The following SLC4A10 variants were observed in gnomAD, a reference collection of about 807,000 sequenced individuals.
SLC4A10 encodes sodium-driven chloride bicarbonate exchanger.
In SLC4A10, 42 loss-of-function variants were observed where a neutral mutation model predicts 137.7. The ratio of observed to expected loss-of-function variants is 0.30; its 90% CI spans 0.24 to 0.39. SLC4A10 has a LOEUF of 0.39. Among genes scored for constraint, SLC4A10 ranks in the 10% least tolerant of loss-of-function variants. The pLI, the probability that SLC4A10 is intolerant of heterozygous loss-of-function variation, is 1.00. For synonymous variants in SLC4A10, 474 were observed against 464.1 expected (o/e 1.02, Z -0.27); for missense variants, 925 against 1,355.0 (o/e 0.68, Z 4.98).
chr2:161,775,372 T>C (rs2052193637), intron 2 of SLC4A10, among the ~76,000 whole-genome samples: 1 of 151,896 alleles, frequency 6.6e-6, no homozygotes, highest in African/African-American at 2.4e-5. Context: ...CAACAGTACA[T>C]ATTTATAGTC....
chr2:161,783,350 C>CA lies in SLC4A10; in HGVS notation c.130+12302dup, dbSNP rs1166649848. 2.0e-5 allele frequency among the ~76,000 whole-genome samples: 3 copies of CA among 151,842 alleles called. No homozygotes were observed. In the East Asian group the frequency reaches 5.8e-4, roughly 29 times the overall value. On this transcript the variant is annotated intron_variant, in intron 2 of 26. Transcript: ENST00000446997. ...AGTTCATCACCACCAGACCTCCCTACAAAAAATGCTAAGGGAACCTCCTTA... is the reference window on the plus strand; with the variant it reads ...AGTTCATCACCACCAGACCTCCCTACAAAAAAATGCTAAGGGAACCTCCTTA...
At chr2:161,679,028 C>T (rs2040561541) in intron 1 of SLC4A10, among the ~76,000 whole-genome samples, 1 of 151,972 alleles carries the variant, frequency 6.6e-6, no homozygotes, top group African/African-American at 2.4e-5. Flanking sequence ...GTACCTATTA[C>T]CCAATAGTTT....
chr2:161,946,049 A>G (rs1325251388), intron 16 of SLC4A10, among the ~76,000 whole-genome samples: 5 of 152,012 alleles, frequency 3.3e-5, no homozygotes, highest in African/African-American at 1.2e-4. Flanking sequence ...TGAAAAACAC[A>G]AGGATTCATT....
At chr2:161,720,619 T>G (rs2045546085) in intron 1 of SLC4A10, among the ~76,000 whole-genome samples, 1 of 152,152 alleles carries the variant, frequency 6.6e-6, no homozygotes, top group Non-Finnish European at 1.5e-5. Flanking sequence ...ATTGAACCCT[T>G]TACCATTATA....
rs559173447 is a variant in SLC4A10 at position 161,958,047 on chromosome 2, T to G, written c.2794-440T>G. Among the ~76,000 whole-genome samples the G allele has an allele frequency of 2.9e-4, 44 of 152,320 alleles. 1 individual carries two copies. The South Asian group carries it at 9.1e-3, about 32-fold the overall frequency. ...AAAGAGAAAATCTGAATTATCCATA[T>G]ATTTACAAATACCTGGTATAATACA... On this transcript the variant is annotated intron_variant, in intron 20 of 26. Transcript: ENST00000446997.
intron 15 of SLC4A10, among the ~76,000 whole-genome samples, chr2:161,920,433 G>A (rs190939737): frequency 5.8e-4 from 88 of 152,230 alleles, no homozygotes; most frequent in Non-Finnish European, 7.4e-5. Context: ...AAATACATAG[G>A]GAATAAGAAG....
chr2:161,818,737 A>G (rs2057343607), intron 3 of SLC4A10, among the ~76,000 whole-genome samples: 1 of 152,142 alleles, frequency 6.6e-6, no homozygotes, highest in Non-Finnish European at 1.5e-5. Flanking sequence ...TGAAATAATC[A>G]TGTGGTTTTT....
At chr2:161,983,037 CT>C (rs1700432056) in intron 26 of SLC4A10, 141 bp from the exon 27 acceptor site, 1 of 647,726 alleles carries the variant, frequency 1.5e-6, no homozygotes, top group Admixed American at 3.0e-5. Context: ...TGCTGTCTAT[CT>C]GTGCTTCGCA....
At chr2:161,817,141 G>C (rs2057155263) in intron 3 of SLC4A10, among the ~76,000 whole-genome samples, 2 of 152,236 alleles carry the variant, frequency 1.3e-5, no homozygotes, top group South Asian at 4.1e-4. Context: ...TCCAGCACCT[G>C]TTGTTTCCTG....
chr2:161,856,378 CACACACACACACACACACA>C (rs2060101366), intron 5 of SLC4A10, among the ~76,000 whole-genome samples: 6 of 133,746 alleles, frequency 4.5e-5, no homozygotes, highest in Non-Finnish European at 1.0e-4. Context: ...CACACACACA[CACACACACACACACACACA>C]CCACACTGCC....
At chr2:161,820,774 T>C (rs1444604948) in intron 3 of SLC4A10, among the ~76,000 whole-genome samples, 1 of 152,222 alleles carries the variant, frequency 6.6e-6, no homozygotes, top group Non-Finnish European at 1.5e-5. Flanking sequence ...TCTTTTGGTA[T>C]ACATATGCAT....
intron 16 of SLC4A10, 33 bp downstream of exon 16, chr2:161,942,930 A>G: frequency 6.6e-7 from 1 of 1,518,310 alleles, no homozygotes; most frequent in African/African-American, 1.4e-5. Flanking sequence ...AGTCATACCT[A>G]AGAGCTTTTG....
chr2:161,950,719 G>A lies in SLC4A10; in HGVS notation c.2412G>A (p.Thr804=), dbSNP rs768619828. ...GAGATGATCGTGGCTGGTTTGTTAC[G>A]CCTTTAGGTCCAAACCCATGGTGGA... ...PTRDDRGWFV[T]PLGPNPWWTV... The change falls in exon 19 of 27, where the codon ACG becomes ACA. Residue 804 remains threonine, a synonymous_variant. Coordinates refer to ENST00000446997, the MANE Select transcript of SLC4A10 (RefSeq NM_001178015.2). 21 of 1,592,454 alleles carry A rather than the reference G, an allele frequency of 1.3e-5. No individual in the cohort carries two copies. The highest frequency in any genetic ancestry group is 8.0e-5 in the South Asian group (7 of 87,950).
intron 1 of SLC4A10, among the ~76,000 whole-genome samples, chr2:161,769,616 A>C (rs1232415613): frequency 1.3e-5 from 2 of 151,934 alleles, no homozygotes; most frequent in African/African-American, 4.8e-5. Context: ...ATGTAGTCCA[A>C]GTTCAACAAC....
intron 1 of SLC4A10, among the ~76,000 whole-genome samples, chr2:161,698,092 G>T (rs2042732719): frequency 6.6e-6 from 1 of 152,122 alleles, no homozygotes; most frequent in African/African-American, 2.4e-5. Flanking sequence ...GTTCACTTAT[G>T]ATTTGGCTCT....
At chr2:161,910,420 A>G (rs943174722) in intron 15 of SLC4A10, among the ~76,000 whole-genome samples, 4 of 152,128 alleles carry the variant, frequency 2.6e-5, no homozygotes, top group Non-Finnish European at 4.4e-5. Flanking sequence ...AAACAAGTTT[A>G]TGGGAATAAT....
At chr2:161,925,106 T>G (rs1300184753) in intron 15 of SLC4A10, among the ~76,000 whole-genome samples, 1 of 152,170 alleles carries the variant, frequency 6.6e-6, no homozygotes, top group Non-Finnish European at 1.5e-5. Flanking sequence ...GCTATCTTGA[T>G]AGAAACAGCA....
intron 2 of SLC4A10, among the ~76,000 whole-genome samples, chr2:161,777,539 G>T (rs1397489957): frequency 6.6e-6 from 1 of 151,994 alleles, no homozygotes; most frequent in East Asian, 1.9e-4. Flanking sequence ...GTGGTTTAAT[G>T]CACTTACAGT....
intron 1 of SLC4A10, among the ~76,000 whole-genome samples, chr2:161,682,434 A>C (rs1458433739): frequency 6.6e-6 from 1 of 152,144 alleles, no homozygotes; most frequent in Non-Finnish European, 1.5e-5. Flanking sequence ...AACTTTTTCA[A>C]GGTGGAACTT....
Sources: allele counts gnomAD v4.1 joint callset (sites outside exome capture counted in the v4.1 genomes callset), GRCh38; gene constraint gnomAD v4.1.1; transcripts MANE v1.5; gene names NCBI Gene and HGNC (gene_info 2026-07-23, HGNC 2026-07-21).